The following FBN2 variants were observed in gnomAD, a reference collection of about 807,000 sequenced individuals.
FBN2 encodes fibrillin-2.
FBN2 carries 105 observed loss-of-function variants against 355.6 expected under a neutral mutation model. That is an observed-to-expected ratio of 0.30 (90% CI 0.25 to 0.35). The LOEUF is 0.35. Among genes scored for constraint, FBN2 ranks in the 10% least tolerant of loss-of-function variants. FBN2 has a pLI of 1.00. For synonymous variants in FBN2, 1,350 were observed against 1,301.2 expected (o/e 1.04, Z -0.81); for missense variants, 3,280 against 3,758.7 (o/e 0.87, Z 3.33).
At chr5:128,391,942 T>C (rs1581259313) in intron 11 of FBN2, 76 bp downstream of exon 11, 1 of 1,359,912 alleles carries the variant, frequency 7.4e-7, no homozygotes, top group Non-Finnish European at 1.0e-6. Flanking sequence ...AAAAATCATA[T>C]TCATTCCAAT....
At chr5:128,436,208 C>T (rs1390517854) in intron 7 of FBN2, among the ~76,000 whole-genome samples, 3 of 152,132 alleles carry the variant, frequency 2.0e-5, no homozygotes, top group South Asian at 2.1e-4. Flanking sequence ...CATTTTGCCT[C>T]GTATGTCAGC....
chr5:128,525,919 C>T (rs1897999), intron 4 of FBN2, among the ~76,000 whole-genome samples: 72,520 of 152,000 alleles, frequency 0.48, 20,101 homozygotes, highest in African/African-American at 0.78. Flanking sequence ...CTCTTTCATT[C>T]ACATATTATC....
chr5:128,468,419 A>G, intron 5 of FBN2, among the ~76,000 whole-genome samples: 1 of 152,186 alleles, frequency 6.6e-6, no homozygotes, highest in South Asian at 2.1e-4. Context: ...GTGTGGATAT[A>G]TGTTTTCATT....
intron 14 of FBN2, 127 bp from the exon 15 acceptor site, chr5:128,374,877 A>G (rs763261128): frequency 6.1e-6 from 6 of 981,616 alleles, no homozygotes; most frequent in Non-Finnish European, 7.8e-6. Context: ...TGAAGAACAA[A>G]TAAGTGTGGT....
At chr5:128,350,673 A>G (rs1181186061) in intron 21 of FBN2, among the ~76,000 whole-genome samples, 195 bp downstream of exon 21, 1 of 152,258 alleles carries the variant, frequency 6.6e-6, no homozygotes, top group Non-Finnish European at 1.5e-5. Context: ...AATATTTAGA[A>G]GGCCTGCTTA....
intron 4 of FBN2, among the ~76,000 whole-genome samples, chr5:128,523,532 G>A (rs978773170): frequency 3.3e-5 from 5 of 151,748 alleles, no homozygotes; most frequent in African/African-American, 9.7e-5. Flanking sequence ...CGGTCTATAC[G>A]GTCCCAAATT....
At chr5:128,449,413 GTA>G (rs1754169690) in intron 6 of FBN2, among the ~76,000 whole-genome samples, 1 of 139,348 alleles carries the variant, frequency 7.2e-6, no homozygotes, top group African/African-American at 2.7e-5. Context: ...TAATTATATA[GTA>G]TACTATATAA....
rs1764891249 is a variant in FBN2 at position 128,259,122 on chromosome 5, T to G, written c.*333A>C. On this transcript the variant is annotated 3_prime_UTR_variant, in exon 65 of 65. Coordinates refer to ENST00000262464, the MANE Select transcript of FBN2 (RefSeq NM_001999.4). ...GCAAAATACCCAAAGTGTTACAGAC[T>G]GCTAACAGGAAAAAAAAAAAAAGCT... The G allele has an allele frequency of 3.9e-6, 1 of 255,780 alleles. No individual in the cohort carries two copies. 15.8% of individuals were successfully genotyped at this position (255,780 alleles called of 1,614,324 possible).
At position 128,336,110 on chromosome 5, in the gene FBN2, A is replaced by G. The variant is rs755127278; in HGVS notation, c.3602T>C (p.Ile1201Thr). Residue 1201 changes from isoleucine to threonine, a missense_variant, in exon 28 of 65, where the codon ATT (isoleucine) becomes ACT (threonine). Physicochemically the swap from Ile to Thr is moderately conservative, Grantham distance 89. This residue lies in a region of FBN2 where 2,284 missense variants were observed against 2,749.5 expected (regional missense o/e 0.83). Transcript: ENST00000262464. ...LSPSREDCVD[I>T]NECSLSDNLC... is the part of the protein sequence containing the mutation. ...ATTGTCACTCAGGGAGCATTCATTA[A>G]TATCTATAAAAGATACACAGAAGTA... 6.6e-5 allele frequency: 106 copies of G among 1,613,218 alleles called. No individual in the cohort carries two copies. The highest frequency in any genetic ancestry group is 9.0e-5 in the Non-Finnish European group (106 of 1,179,634).
chr5:128,367,571 T>C (rs1424437146), intron 16 of FBN2, among the ~76,000 whole-genome samples: 1 of 152,114 alleles, frequency 6.6e-6, no homozygotes, highest in Non-Finnish European at 1.5e-5. Flanking sequence ...TCTTTTACCA[T>C]TACAAAATAA....
intron 5 of FBN2, among the ~76,000 whole-genome samples, chr5:128,479,433 T>A (rs975360951): frequency 6.6e-6 from 1 of 152,100 alleles, no homozygotes; most frequent in Non-Finnish European, 1.5e-5. Flanking sequence ...TAATATTATA[T>A]CACTACTCTA....
chr5:128,329,893 T>C (rs1750647802), intron 33 of FBN2, among the ~76,000 whole-genome samples: 1 of 152,230 alleles, frequency 6.6e-6, no homozygotes, highest in Non-Finnish European at 1.5e-5. Flanking sequence ...GTCTTATACA[T>C]GCATATAATG....
intron 8 of FBN2, among the ~76,000 whole-genome samples, chr5:128,400,430 G>A (rs990031821): frequency 6.6e-6 from 1 of 151,894 alleles, no homozygotes; most frequent in Non-Finnish European, 1.5e-5. Context: ...CCTCCACAGT[G>A]GAATATTTAC....
Position 128,309,463 on chromosome 5 carries a change from C to T in FBN2, c.5201-64G>A, listed in dbSNP as rs939493385. ...CACGAGTAGTTTATAATGAAGCCCA[C>T]ACAGCTGTAGACATCAAGCTTTCCT... On this transcript the variant is annotated intron_variant, in intron 40 of 64. Coordinates refer to ENST00000262464, the MANE Select transcript of FBN2 (RefSeq NM_001999.4). The T allele has an allele frequency of 2.4e-5, 34 of 1,417,026 alleles. No homozygotes were observed. In the African/African-American group the frequency reaches 2.8e-4, roughly 12 times the overall value. 87.8% of individuals were successfully genotyped at this position (1,417,026 alleles called of 1,614,324 possible). A position where few individuals can be genotyped will look rare whatever the true frequency, so the allele number is the denominator to read the frequency against.
Position 128,259,782 on chromosome 5 carries a change from G to C in FBN2, c.8412C>G (p.Asn2804Lys). The change falls in exon 65 of 65, where the codon AAC (asparagine) becomes AAG (lysine). Residue 2804 changes from asparagine to lysine, a missense_variant. Physicochemically the swap from Asn to Lys is moderately conservative, Grantham distance 94. Transcript: ENST00000262464. ...LESVDMDSPV[N>K]MKFNLSHLGS... ...CGAGGTGGGAGAGGTTGAACTTCATGTTGACGGGGCTGTCCATGTCGACAC... is the reference window on the plus strand; with the variant it reads ...CGAGGTGGGAGAGGTTGAACTTCATCTTGACGGGGCTGTCCATGTCGACAC... 6.2e-7 allele frequency: 1 copy of C among 1,613,794 alleles called. No individual in the cohort carries two copies. The highest frequency in any genetic ancestry group is 1.1e-5 in the South Asian group (1 of 91,062).
intron 11 of FBN2, among the ~76,000 whole-genome samples, chr5:128,381,203 G>C (rs1413245316): frequency 2.0e-5 from 3 of 151,984 alleles, no homozygotes; most frequent in African/African-American, 4.8e-5. Flanking sequence ...ACAGACACTA[G>C]GAGAGTTACA....
intron 2 of FBN2, among the ~76,000 whole-genome samples, chr5:128,533,133 A>T (rs1242259235): frequency 2.0e-5 from 3 of 152,090 alleles, no homozygotes; most frequent in Non-Finnish European, 4.4e-5. Flanking sequence ...CATGGAGTTG[A>T]CTCTTACTTC....
At chr5:128,335,836 G>A (rs1750821903) in intron 28 of FBN2, 152 bp downstream of exon 28, 2 of 881,168 alleles carry the variant, frequency 2.3e-6, no homozygotes, top group Admixed American at 4.0e-5. Context: ...TGAGTCTGCT[G>A]CAAGATCACA....
chr5:128,329,949 C>T (rs916742551), intron 33 of FBN2, among the ~76,000 whole-genome samples: 2 of 152,140 alleles, frequency 1.3e-5, no homozygotes, highest in African/African-American at 4.8e-5. Flanking sequence ...AGAAGCCAAA[C>T]AGAAGCTATT....
Sources: allele counts gnomAD v4.1 joint callset (sites outside exome capture counted in the v4.1 genomes callset), GRCh38; gene constraint gnomAD v4.1.1; regional missense constraint gnomAD v4.1.1; transcripts MANE v1.5; gene names NCBI Gene and HGNC (gene_info 2026-07-23, HGNC 2026-07-21).